The following DLGAP2 variants were observed in gnomAD, a reference collection of about 807,000 sequenced individuals.
DLGAP2 encodes disks large-associated protein 2.
In DLGAP2, 26 loss-of-function variants were observed where a neutral mutation model predicts 100.3. The observed-to-expected ratio is 0.26, with a 90% CI of 0.19 to 0.36. The LOEUF is 0.36. Ranked by LOEUF, DLGAP2 falls within the 10% of genes least tolerant of loss-of-function variation. The pLI, the probability that DLGAP2 is intolerant of heterozygous loss-of-function variation, is 1.00. For missense variants in DLGAP2, 1,858 were observed against 1,453.2 expected, an observed-to-expected ratio of 1.28 and a Z score of -4.53; for synonymous variants, 886 against 630.1, an observed-to-expected ratio of 1.41 and a Z score of -6.08.
At chr8:1,033,302 T>G (rs533795625) in intron 2 of DLGAP2, among the ~76,000 whole-genome samples, 37 of 152,284 alleles carry the variant, frequency 2.4e-4, no homozygotes, top group African/African-American at 8.7e-4. Context: ...CTTGCTTCTC[T>G]TAGAAAACAC....
chr8:1,195,913 A>T (rs1019530683), intron 2 of DLGAP2, among the ~76,000 whole-genome samples: 1 of 152,186 alleles, frequency 6.6e-6, no homozygotes, highest in Admixed American at 6.5e-5. Context: ...ATTCTCCCAC[A>T]AAGTGCAAGA....
At chr8:1,446,339 T>G (rs1241555849) in intron 3 of DLGAP2, among the ~76,000 whole-genome samples, 1 of 152,166 alleles carries the variant, frequency 6.6e-6, no homozygotes, top group Non-Finnish European at 1.5e-5. Context: ...CACCATTTAT[T>G]AAATAGGGAA....
chr8:846,514 T>C (rs1399883413), intron 1 of DLGAP2, among the ~76,000 whole-genome samples: 1 of 152,232 alleles, frequency 6.6e-6, no homozygotes, highest in Non-Finnish European at 1.5e-5. Context: ...AGTACAATAT[T>C]TTCTTTATCC....
At chr8:777,863 C>T (rs1242238772) in intron 1 of DLGAP2, among the ~76,000 whole-genome samples, 4 of 151,964 alleles carry the variant, frequency 2.6e-5, no homozygotes, top group South Asian at 2.1e-4. Context: ...ATCTTTGTGG[C>T]GTCTCTGTGT....
chr8:948,197 G>A (rs950216057), intron 2 of DLGAP2, among the ~76,000 whole-genome samples: 1 of 152,192 alleles, frequency 6.6e-6, no homozygotes, highest in African/African-American at 2.4e-5. Context: ...TGGGCCGGGA[G>A]AGAAGATCTT....
At chr8:1,653,154 G>A (rs921046625) in intron 8 of DLGAP2, among the ~76,000 whole-genome samples, 3 of 152,082 alleles carry the variant, frequency 2.0e-5, no homozygotes, top group African/African-American at 7.2e-5. Context: ...GCATCGCGTT[G>A]GTTCTTAGTG....
intron 2 of DLGAP2, among the ~76,000 whole-genome samples, chr8:1,198,718 G>A (rs572433321): frequency 5.9e-5 from 9 of 152,278 alleles, no homozygotes; most frequent in Admixed American, 1.3e-4. Context: ...GAAGAGACAC[G>A]TGTGCCTGGG....
intron 1 of DLGAP2, among the ~76,000 whole-genome samples, chr8:883,695 A>T (rs1271622602): frequency 2.0e-5 from 3 of 152,030 alleles, no homozygotes; most frequent in Non-Finnish European, 4.4e-5. Flanking sequence ...TTCGTTACGT[A>T]GGTGCGCGTG....
At position 1,701,492 on chromosome 8, in the gene DLGAP2, C is replaced by T; in HGVS notation, c.*86C>T. ...GCGCCGCCCTGGTGGTTTCTGTCTC[C>T]TCCTCCCGCTGAACACGTCCTCGCT... On this transcript the variant is annotated 3_prime_UTR_variant, in exon 15 of 15. Coordinates refer to ENST00000637795, the MANE Select transcript of DLGAP2 (RefSeq NM_001346810.2). The T allele has an allele frequency of 7.4e-7, 1 of 1,352,180 alleles. No individual in the cohort carries two copies. The allele number at this position is 1,352,180 out of a possible 1,614,324, so 83.8% of individuals were successfully genotyped here. A position where few individuals can be genotyped will look rare whatever the true frequency, so the allele number is the denominator to read the frequency against.
intron 2 of DLGAP2, among the ~76,000 whole-genome samples, chr8:1,123,625 T>G (rs1050189181): frequency 3.3e-5 from 5 of 150,992 alleles, no homozygotes; most frequent in Non-Finnish European, 7.4e-5. Flanking sequence ...AATTTATCTT[T>G]CCTTTATTCC....
In DLGAP2 at chr8:1,501,414, C is replaced by T. The variant is rs894944884; in HGVS notation, c.155C>T (p.Pro52Leu). 99 of 1,535,564 alleles carry T rather than the reference C, an allele frequency of 6.4e-5. No homozygotes were observed. The highest frequency in any genetic ancestry group is 8.2e-5 in the Non-Finnish European group (94 of 1,146,728). The change falls in exon 4 of 15, where the codon CCG becomes CTG. Residue 52 changes from proline (P) to leucine (L), a missense_variant. Coordinates refer to ENST00000637795, the MANE Select transcript of DLGAP2 (RefSeq NM_001346810.2). ...CAGCCGGGCATCAGCTTTCCGGGGC[C>T]GGCAGAGGAGGATCTAGGTAGAGTA... Reference protein sequence around the residue: ...LVQPGISFPGPAEEDLDPQYS... With the variant: ...LVQPGISFPGLAEEDLDPQYS...
intron 3 of DLGAP2, among the ~76,000 whole-genome samples, chr8:1,491,341 G>GGGGGCTTCGGGCCGCTCCCCCTGACCCCA (rs1799379398): frequency 6.8e-6 from 1 of 147,760 alleles, no homozygotes; most frequent in Admixed American, 6.8e-5. Context: ...TCCTGACCCC[G>GGGGGCTTCGGGCCGCTCCCCCTGACCCCA]GAGGCTTCGG....
At position 737,696 on chromosome 8, in the gene DLGAP2, G is replaced by GGACC. The variant is rs960455000; in HGVS notation, c.-110_-107dup. The GGACC allele has an allele frequency of 2.7e-6, 1 of 369,010 alleles. No individual in the cohort carries two copies. Among genetic ancestry groups the GGACC allele is most frequent in the African/African-American group, 2.1e-5 (1 of 47,180 alleles). 22.9% of individuals were successfully genotyped at this position (369,010 alleles called of 1,614,324 possible). On this transcript the variant is annotated 5_prime_UTR_variant, in exon 1 of 15. Coordinates refer to ENST00000637795, the MANE Select transcript of DLGAP2 (RefSeq NM_001346810.2). ...CGCCTGCGGCGGCGAACGGACGGAC[G>GGACC]GACCGCGGACGGACGTACTGACCCC...
intron 3 of DLGAP2, among the ~76,000 whole-genome samples, chr8:1,275,010 T>G (rs890382182): frequency 6.6e-6 from 1 of 152,106 alleles, no homozygotes; most frequent in Non-Finnish European, 1.5e-5. Flanking sequence ...CTTCCCTGTT[T>G]ATTGCTTGCT....
intron 1 of DLGAP2, chr8:740,261 T>A (rs1820448899): frequency 6.6e-6 from 1 of 152,244 alleles, no homozygotes; most frequent in African/African-American, 2.4e-5. Context: ...GCATTCTAAG[T>A]CAACTTTTCA....
chr8:740,740 T>C (rs1218428620), intron 1 of DLGAP2, among the ~76,000 whole-genome samples: 1 of 152,222 alleles, frequency 6.6e-6, no homozygotes, highest in Non-Finnish European at 1.5e-5. Flanking sequence ...TGCTATAATT[T>C]TTTTATTATA....
At chr8:1,311,838 C>G (rs1187576793) in intron 3 of DLGAP2, among the ~76,000 whole-genome samples, 1 of 152,164 alleles carries the variant, frequency 6.6e-6, no homozygotes, top group Non-Finnish European at 1.5e-5. Flanking sequence ...GAATAAATCT[C>G]CAAGAAGACA....
chr8:812,759 C>T (rs1263813766), intron 1 of DLGAP2, among the ~76,000 whole-genome samples: 5 of 152,260 alleles, frequency 3.3e-5, no homozygotes, highest in African/African-American at 1.2e-4. Flanking sequence ...CATACAGGAG[C>T]TAAGTGTTTA....
intron 1 of DLGAP2, among the ~76,000 whole-genome samples, chr8:829,570 G>C (rs1254382339): frequency 1.3e-5 from 2 of 152,168 alleles, no homozygotes; most frequent in East Asian, 3.8e-4. Flanking sequence ...ATCTTATTCA[G>C]AGCTTTGCTT....
Sources: gnomAD v4.1 joint callset for allele counts (sites outside exome capture counted in the v4.1 genomes callset) on GRCh38, gnomAD v4.1.1 for gene constraint, MANE v1.5 for transcripts, NCBI Gene and HGNC (gene_info 2026-07-23, HGNC 2026-07-21) for gene names.